The following GRAMD1C variants were observed in gnomAD, a reference collection of about 807,000 sequenced individuals.
GRAMD1C encodes GRAM domain containing 1C, also known as protein Aster-C.
GRAMD1C carries 89 observed loss-of-function variants against 97.8 expected under a neutral mutation model. That is an observed-to-expected ratio of 0.91 (90% confidence interval 0.77 to 1.09). The LOEUF (loss-of-function observed/expected upper bound fraction) is 1.09. GRAMD1C is among the 50% of genes least tolerant of loss of function. GRAMD1C has a pLI of 0.00. For synonymous variants in GRAMD1C, 256 were observed against 267.0 expected, an observed-to-expected ratio of 0.96 and a Z score of 0.40; for missense variants, 740 against 766.4, an observed-to-expected ratio of 0.97 and a Z score of 0.41.
At position 113,869,578 on chromosome 3, in the gene GRAMD1C, G is replaced by C; in HGVS notation, c.246G>C (p.Glu82Asp). ...RRQFTHLPDT[E>D]RLIADYACAL... ...AGTTCACACATCTACCTGATACAGA[G>C]AGGCTGATAGCAGGTAAAATAGAAA... Residue 82 changes from glutamate to aspartate, a missense_variant, in exon 3 of 18, where the codon GAG becomes GAC. Physicochemically the swap from Glu to Asp is conservative, Grantham distance 45 (BLOSUM62 2). Transcript: ENST00000358160. The C allele has an allele frequency of 6.8e-7, 1 of 1,476,978 alleles. No homozygotes were observed. The highest frequency in any genetic ancestry group is 2.3e-5 in the East Asian group (1 of 43,840). 91.5% of individuals were successfully genotyped at this position (1,476,978 alleles called of 1,614,324 possible). A position where few individuals can be genotyped will look rare whatever the true frequency, so the allele number is the denominator to read the frequency against.
chr3:113,935,933 T>G (rs1263625832), intron 13 of GRAMD1C, among the ~76,000 whole-genome samples: 1 of 152,210 alleles, frequency 6.6e-6, no homozygotes, highest in Admixed American at 6.5e-5. Context: ...AATCTGTCTT[T>G]GAAATCTTTC....
intron 5 of GRAMD1C, among the ~76,000 whole-genome samples, chr3:113,880,200 A>G (rs1935206058): frequency 6.6e-6 from 1 of 152,076 alleles, no homozygotes; most frequent in African/African-American, 2.4e-5. Flanking sequence ...TTTTTTAACA[A>G]AATCATCAAA....
intron 2 of GRAMD1C, among the ~76,000 whole-genome samples, chr3:113,857,747 A>G (rs1360038628): frequency 2.0e-5 from 3 of 152,202 alleles, no homozygotes; most frequent in African/African-American, 7.2e-5. Flanking sequence ...TTCCTATATC[A>G]AGTGATATGA....
chr3:113,892,326 G>T (rs1047972030), intron 6 of GRAMD1C, among the ~76,000 whole-genome samples: 77 of 152,114 alleles, frequency 5.1e-4, no homozygotes, highest in African/African-American at 1.6e-3. Context: ...ACAAAAATCA[G>T]CTGCGCGTGG....
intron 11 of GRAMD1C, among the ~76,000 whole-genome samples, chr3:113,932,720 C>A (rs2107368470): frequency 6.6e-6 from 1 of 152,210 alleles, no homozygotes; most frequent in African/African-American, 2.4e-5. Flanking sequence ...CCCTTTCTCT[C>A]TTTAAGAGAC....
intron 5 of GRAMD1C, among the ~76,000 whole-genome samples, chr3:113,881,804 A>G (rs1935273779): frequency 6.6e-6 from 1 of 152,214 alleles, no homozygotes; most frequent in African/African-American, 2.4e-5. Flanking sequence ...TATATATATA[A>G]TTCTATTTGG....
intron 7 of GRAMD1C, among the ~76,000 whole-genome samples, chr3:113,901,528 G>A (rs1240531100): frequency 6.6e-6 from 1 of 152,168 alleles, no homozygotes; most frequent in African/African-American, 2.4e-5. Context: ...CCCTAACATA[G>A]TGCTTAGCAT....
At chr3:113,841,287 T>TTTTTTTTG (rs2108067197) in intron 1 of GRAMD1C, among the ~76,000 whole-genome samples, 1 of 124,980 alleles carries the variant, frequency 8.0e-6, no homozygotes, top group East Asian at 2.3e-4. Context: ...CTTTCTTTCT[T>TTTTTTTTG]TTTTTTTTTT....
At chr3:113,848,816 GATAAA>G (rs1933727888) in intron 2 of GRAMD1C, among the ~76,000 whole-genome samples, 1 of 151,902 alleles carries the variant, frequency 6.6e-6, no homozygotes, top group South Asian at 2.1e-4. Context: ...AATAAAATAA[GATAAA>G]ATAAAAATTT....
At chr3:113,881,559 G>A (rs141894871) in intron 5 of GRAMD1C, among the ~76,000 whole-genome samples, 2,067 of 152,346 alleles carry the variant, frequency 0.014, 38 homozygotes, top group African/African-American at 0.047. Flanking sequence ...GGCGTTTTAA[G>A]GAGTTGGGAA....
rs1167289950 is a variant in GRAMD1C, at chr3:113,902,538, C to T, written c.656+1392C>T. ...TTTTCTCGTCTATGAAATGAGGCAG[C>T]TGAACTAGATTATCTTTAAGGTCCT... On this transcript the variant is annotated intron_variant, in intron 7 of 17. Coordinates refer to ENST00000358160, the MANE Select transcript of GRAMD1C (RefSeq NM_017577.5). Among the ~76,000 whole-genome samples, 13 of 152,308 alleles carry T rather than the reference C, an allele frequency of 8.5e-5. No individual in the cohort carries two copies. In the East Asian group the frequency reaches 2.3e-3, roughly 27 times the overall value.
At chr3:113,937,095 C>T (rs534647298) in intron 14 of GRAMD1C, among the ~76,000 whole-genome samples, 1 of 152,204 alleles carries the variant, frequency 6.6e-6, no homozygotes, top group South Asian at 2.1e-4. Context: ...GTGTACTGCT[C>T]TCTTAATCCT....
intron 1 of GRAMD1C, among the ~76,000 whole-genome samples, chr3:113,829,954 T>G (rs1709536298): frequency 6.6e-6 from 1 of 152,066 alleles, no homozygotes; most frequent in Non-Finnish European, 1.5e-5. Flanking sequence ...AGAAGTTTAA[T>G]AGGCGAAATA....
At chr3:113,919,170 TCTC>T (rs1455812815) in intron 10 of GRAMD1C, 1 of 294,158 alleles carries the variant, frequency 3.4e-6, no homozygotes, top group African/African-American at 2.2e-5. Flanking sequence ...GGCTGACAGT[TCTC>T]CTGAGTGAAA....
At position 113,875,509 on chromosome 3, in the gene GRAMD1C, C is replaced by A. The variant is rs1172409003; in HGVS notation, c.285C>A (p.Asp95Glu). Residue 95 changes from aspartate (D) to glutamate (E), a missense_variant, in exon 4 of 18, where the codon GAC (aspartate) becomes GAA (glutamate). Physicochemically the swap from Asp to Glu is conservative, Grantham distance 45 (BLOSUM62 2). Transcript: ENST00000358160. ...IADYACALQR[D>E]ILLQGRLYLS... is the part of the protein sequence containing the mutation. ...ATTATGCTTGTGCTCTTCAGAGGGACATTTTGCTTCAGGGACGACTATACC... is the reference window on the plus strand; with the variant it reads ...ATTATGCTTGTGCTCTTCAGAGGGAAATTTTGCTTCAGGGACGACTATACC... 1 of 1,516,578 alleles carries A rather than the reference C, an allele frequency of 6.6e-7. No homozygotes were observed. Among genetic ancestry groups the A allele is most frequent in the African/African-American group, 1.4e-5 (1 of 73,844 alleles). The allele number at this position is 1,516,578 out of a possible 1,614,324, so 93.9% of individuals were successfully genotyped here.
intron 6 of GRAMD1C, among the ~76,000 whole-genome samples, chr3:113,896,709 C>G (rs1020165096): frequency 2.6e-5 from 4 of 152,200 alleles, no homozygotes; most frequent in Non-Finnish European, 4.4e-5. Context: ...TCACTCTACT[C>G]TATCTCATTC....
At chr3:113,934,284 G>C in intron 12 of GRAMD1C, 148 bp from the exon 13 acceptor site, 1 of 523,754 alleles carries the variant, frequency 1.9e-6, no homozygotes, top group East Asian at 3.5e-5. Flanking sequence ...TTAAATAAAA[G>C]TTATCAATGA....
intron 3 of GRAMD1C, among the ~76,000 whole-genome samples, chr3:113,872,056 TATC>T (rs1482521740): frequency 6.6e-6 from 1 of 152,178 alleles, no homozygotes; most frequent in African/African-American, 2.4e-5. Flanking sequence ...GCTCAATAAA[TATC>T]ATAATGAATT....
chr3:113,885,076 GC>G (rs1191521200), intron 6 of GRAMD1C, among the ~76,000 whole-genome samples: 1 of 151,444 alleles, frequency 6.6e-6, no homozygotes, highest in Non-Finnish European at 1.5e-5. Flanking sequence ...GTCCATGTGG[GC>G]CCCCGCGGGC....
Sources: gnomAD v4.1 joint callset for allele counts (sites outside exome capture counted in the v4.1 genomes callset) on GRCh38, gnomAD v4.1.1 for gene constraint, MANE v1.5 for transcripts, NCBI Gene and HGNC (gene_info 2026-07-23, HGNC 2026-07-21) for gene names.